EPHA7: variants seen among roughly 807,000 people sequenced by gnomAD.
The protein encoded by EPHA7 is EPH receptor A7, also known as ephrin type-A receptor 7.
In EPHA7, 25 loss-of-function variants were observed where a neutral mutation model predicts 112.6. The ratio of observed to expected loss-of-function variants is 0.22; its 90% CI spans 0.16 to 0.31. The LOEUF is 0.31. Ranked by LOEUF, EPHA7 falls within the 10% of genes least tolerant of loss-of-function variation. The pLI, the probability that EPHA7 is intolerant of heterozygous loss-of-function variation, is 1.00. For missense variants in EPHA7, 962 were observed against 1,212.6 expected (o/e 0.79, Z 3.07); for synonymous variants, 437 against 406.5 (o/e 1.07, Z -0.90).
At chr6:93,288,949 G>A (rs1394863561) in intron 5 of EPHA7, among the ~76,000 whole-genome samples, 1 of 152,102 alleles carries the variant, frequency 6.6e-6, no homozygotes, top group Non-Finnish European at 1.5e-5. Flanking sequence ...AAAGTGATGG[G>A]GAGGCCACAT....
At chr6:93,346,008 T>C (rs1233682893) in intron 5 of EPHA7, among the ~76,000 whole-genome samples, 3 of 151,714 alleles carry the variant, frequency 2.0e-5, no homozygotes, top group Non-Finnish European at 4.4e-5. Context: ...CTTGTCCAAA[T>C]TTAAAGACAA....
At chr6:93,392,708 G>A (rs1318402934) in intron 3 of EPHA7, among the ~76,000 whole-genome samples, 2 of 151,760 alleles carry the variant, frequency 1.3e-5, no homozygotes, top group African/African-American at 2.4e-5. Context: ...GATTTTAATG[G>A]CTTAAATGCA....
intron 5 of EPHA7, among the ~76,000 whole-genome samples, chr6:93,355,329 G>GA (rs1775892111): frequency 6.6e-6 from 1 of 152,054 alleles, no homozygotes; most frequent in African/African-American, 2.4e-5. Flanking sequence ...CCACTAATTT[G>GA]TTAAAAAATG....
intron 3 of EPHA7, among the ~76,000 whole-genome samples, chr6:93,397,602 C>T (rs1231501153): frequency 1.3e-5 from 2 of 151,878 alleles, no homozygotes; most frequent in Non-Finnish European, 2.9e-5. Flanking sequence ...AGTCTACCTA[C>T]GAATATTCTC....
intron 3 of EPHA7, among the ~76,000 whole-genome samples, chr6:93,383,263 C>CGTGTGTGT (rs56368005): frequency 1.4e-5 from 2 of 145,244 alleles, no homozygotes; most frequent in African/African-American, 5.1e-5. Context: ...TATTGGAACT[C>CGTGTGTGT]GTGTGTGTGT....
chr6:93,263,991 T>G, intron 8 of EPHA7, 76 bp from the exon 9 acceptor site: 1 of 1,083,224 alleles, frequency 9.2e-7, no homozygotes, highest in Non-Finnish European at 1.4e-6. Flanking sequence ...TGTACCTTAG[T>G]TACTCAACAA....
At chr6:93,360,539 C>T (rs955137562) in intron 3 of EPHA7, among the ~76,000 whole-genome samples, 8 of 152,072 alleles carry the variant, frequency 5.3e-5, no homozygotes, top group Non-Finnish European at 8.8e-5. Context: ...CACGATTTAA[C>T]ATTTCCAAAA....
At chr6:93,307,554 A>G (rs1773318674) in intron 5 of EPHA7, among the ~76,000 whole-genome samples, 1 of 152,140 alleles carries the variant, frequency 6.6e-6, no homozygotes, top group Admixed American at 6.5e-5. Flanking sequence ...CTAAAAAATA[A>G]TTTCTAAGTT....
At chr6:93,363,526 C>A (rs1465969521) in intron 3 of EPHA7, among the ~76,000 whole-genome samples, 2 of 152,062 alleles carry the variant, frequency 1.3e-5, no homozygotes, top group Non-Finnish European at 2.9e-5. Flanking sequence ...AGATCAAAAC[C>A]ACACATCTAC....
chr6:93,283,998 A>G (rs1368629544), intron 5 of EPHA7, among the ~76,000 whole-genome samples: 1 of 152,228 alleles, frequency 6.6e-6, no homozygotes, highest in Non-Finnish European at 1.5e-5. Context: ...TTAAGCTGAT[A>G]AAATACAAAA....
At chr6:93,320,471 T>C (rs1396957495) in intron 5 of EPHA7, among the ~76,000 whole-genome samples, 1 of 152,022 alleles carries the variant, frequency 6.6e-6, no homozygotes, top group African/African-American at 2.4e-5. Flanking sequence ...ATACAATCAT[T>C]AGCAGAAAAT....
chr6:93,304,297 T>A (rs1773143977), intron 5 of EPHA7, among the ~76,000 whole-genome samples: 2 of 151,952 alleles, frequency 1.3e-5, no homozygotes, highest in African/African-American at 4.8e-5. Flanking sequence ...TGTGATTTAT[T>A]CTCAGTTCTA....
intron 5 of EPHA7, among the ~76,000 whole-genome samples, chr6:93,315,475 T>C (rs1773762686): frequency 6.6e-6 from 1 of 152,126 alleles, no homozygotes; most frequent in African/African-American, 2.4e-5. Context: ...CAAAAGAAAA[T>C]ACTTAATATG....
At chr6:93,338,998 T>C (rs1775011353) in intron 5 of EPHA7, among the ~76,000 whole-genome samples, 1 of 150,318 alleles carries the variant, frequency 6.7e-6, no homozygotes, top group South Asian at 2.1e-4. Flanking sequence ...TATATAAATA[T>C]ATGCACACAT....
chr6:93,248,792 G>A (rs1485302569), intron 14 of EPHA7, among the ~76,000 whole-genome samples: 1 of 152,104 alleles, frequency 6.6e-6, no homozygotes. Flanking sequence ...TTGAACTCCA[G>A]GGCCTCACAT....
chr6:93,371,764 G>A (rs1582616449), intron 3 of EPHA7, among the ~76,000 whole-genome samples: 1 of 152,282 alleles, frequency 6.6e-6, no homozygotes, highest in Non-Finnish European at 1.5e-5. Context: ...ATAGAGAGCT[G>A]ATGGTACATT....
chr6:93,351,360 A>C (rs1474897888), intron 5 of EPHA7, among the ~76,000 whole-genome samples: 1 of 151,922 alleles, frequency 6.6e-6, no homozygotes, highest in Non-Finnish European at 1.5e-5. Flanking sequence ...TGTTGATCCC[A>C]AACATTCTTC....
intron 5 of EPHA7, among the ~76,000 whole-genome samples, chr6:93,337,623 G>A (rs986618506): frequency 6.6e-6 from 1 of 152,142 alleles, no homozygotes; most frequent in Non-Finnish European, 1.5e-5. Context: ...CTCATAGAGA[G>A]CTGGCAGGAA....
chr6:93,393,892 A>G (rs1778030393), intron 3 of EPHA7, among the ~76,000 whole-genome samples: 1 of 151,832 alleles, frequency 6.6e-6, no homozygotes, highest in Non-Finnish European at 1.5e-5. Flanking sequence ...TCACAAATTA[A>G]TGTAAAAAAT....
Sources: allele counts gnomAD v4.1 joint callset (sites outside exome capture counted in the v4.1 genomes callset), GRCh38; gene constraint gnomAD v4.1.1; transcripts MANE v1.5; gene names NCBI Gene and HGNC (gene_info 2026-07-23, HGNC 2026-07-21).